MEAK7: variants seen among roughly 807,000 people sequenced by gnomAD.
The protein encoded by MEAK7 is MTOR-associated protein MEAK7.
MEAK7 carries 68 observed loss-of-function variants against 40.5 expected under a neutral mutation model. The observed-to-expected ratio is 1.68, with a 90% CI of 1.38 to 2.06. The LOEUF (loss-of-function observed/expected upper bound fraction) is 2.06, where lower values mean the gene tolerates loss of function less well. Among genes scored for constraint, MEAK7 ranks in the 30% most tolerant of loss-of-function variants. MEAK7 has a pLI of 0.00. For missense variants in MEAK7, 918 were observed against 580.5 expected (o/e 1.58, Z -5.98); for synonymous variants, 338 against 231.9 (o/e 1.46, Z -4.16).
rs1360813379 is a variant in MEAK7 at position 84,478,091 on chromosome 16, G to T, written c.*1822C>A. ...GGCATCATGGCAGTTTAATAGTGAG[G>T]TATTTAATTGCATTTTTATAAAAAA... On this transcript the variant is annotated 3_prime_UTR_variant, in exon 8 of 8. Coordinates refer to ENST00000343629, the MANE Select transcript of MEAK7 (RefSeq NM_020947.4). 3 of 151,012 alleles carry T rather than the reference G, an allele frequency of 2.0e-5. No homozygotes were observed. Among genetic ancestry groups the T allele is most frequent in the African/African-American group, 4.9e-5 (2 of 41,108 alleles). 9.4% of individuals were successfully genotyped at this position (151,012 alleles called of 1,614,324 possible).
chr16:84,495,688 G>C lies in MEAK7; in HGVS notation c.379C>G (p.Gln127Glu), dbSNP rs928648725. Residue 127 changes from glutamine to glutamate, a missense_variant, in exon 3 of 8, where the codon CAA becomes GAA. By Grantham distance (29) the Gln-to-Glu change is conservative. Transcript: ENST00000343629. ...TEGPVKAREV[Q>E]KFTEDLVGSV... ...GGACCTCGCGGCCTCACTACCTTTT[G>C]GACTTCTCTGGCCTTCACGGGACCT... 5.6e-6 allele frequency: 9 copies of C among 1,613,908 alleles called. No homozygotes were observed. The highest frequency in any genetic ancestry group is 1.6e-4 in the Middle Eastern group (1 of 6,084).
chr16:84,493,306 T>C (rs1285220849), intron 3 of MEAK7, among the ~76,000 whole-genome samples: 3 of 152,248 alleles, frequency 2.0e-5, no homozygotes, highest in Non-Finnish European at 2.9e-5. Flanking sequence ...GGGCAGTTTA[T>C]AGTCAGCTAT....
chr16:84,477,331 AC>A lies in MEAK7; in HGVS notation c.*2581del, dbSNP rs1291419900. 1 of 152,238 alleles carries A rather than the reference AC, an allele frequency of 6.6e-6. No individual in the cohort carries two copies. Among genetic ancestry groups the A allele is most frequent in the Admixed American group, 6.6e-5 (1 of 15,264 alleles). 9.4% of individuals were successfully genotyped at this position (152,238 alleles called of 1,614,324 possible). A position where few individuals can be genotyped will look rare whatever the true frequency, so the allele number is the denominator to read the frequency against. ...CTCAGCCTCCTGAGTAGCTGAGATT[AC>A]AGGCATGTGCCACCATGCCCAGCTA... On this transcript the variant is annotated 3_prime_UTR_variant, in exon 8 of 8. Coordinates refer to ENST00000343629, the MANE Select transcript of MEAK7 (RefSeq NM_020947.4).
chr16:84,481,011 T>C lies in MEAK7; in HGVS notation c.1078-303A>G, dbSNP rs997364059. On this transcript the variant is annotated intron_variant, in intron 6 of 7. Transcript: ENST00000343629. ...CAGAGAATTAAAAATGTTAAATATA[T>C]ATAGAGAAAGAGACCTCCAGGGCCC... is the stretch of plus-strand genomic sequence containing the variant. Among the ~76,000 whole-genome samples, 27 of 152,082 alleles carry C rather than the reference T, an allele frequency of 1.8e-4. 3 individuals carry two copies. Among genetic ancestry groups the C allele is most frequent in the African/African-American group, 3.6e-4 (15 of 41,484 alleles).
In MEAK7 at chr16:84,477,604, T is replaced by C. The variant is rs1465998075; in HGVS notation, c.*2309A>G. 2 of 137,982 alleles carry C rather than the reference T, an allele frequency of 1.4e-5. No homozygotes were observed. Among genetic ancestry groups the C allele is most frequent in the African/African-American group, 6.0e-5 (2 of 33,394 alleles). The allele number at this position is 137,982 out of a possible 1,614,324, so 8.5% of individuals were successfully genotyped here. On this transcript the variant is annotated 3_prime_UTR_variant, in exon 8 of 8. Coordinates refer to ENST00000343629, the MANE Select transcript of MEAK7 (RefSeq NM_020947.4). ...AATTTTTTTTTTAACCCCTTCCTCC[T>C]AGCACTTTCTAGGGCCCTGATAAGT...
At chr16:84,481,087 C>T (rs1276382009) in intron 6 of MEAK7, among the ~76,000 whole-genome samples, 1 of 152,194 alleles carries the variant, frequency 6.6e-6, no homozygotes, top group Non-Finnish European at 1.5e-5. Context: ...GAAGCTGACA[C>T]TGCAAACCCC....
At chr16:84,490,093 T>C (rs1268106418) in intron 3 of MEAK7, among the ~76,000 whole-genome samples, 4 of 152,226 alleles carry the variant, frequency 2.6e-5, no homozygotes, top group African/African-American at 9.6e-5. Context: ...CACTCAGTAA[T>C]TGTACAAACT....
Position 84,490,443 on chromosome 16 carries a change from CTTTTTTTTTTTTTTTTTTTT to C in MEAK7, c.385-1041_385-1022del, listed in dbSNP as rs770073812. On this transcript the variant is annotated intron_variant, in intron 3 of 7. Transcript: ENST00000343629. ...CTGGGCGGCTAAGTTTCTGCCCCGC[CTTTTTTTTTTTTTTTTTTTT>C]TTTTTTTTTTTTTTTTACCTCAACA... Among the ~76,000 whole-genome samples, 33 of 93,884 alleles carry C rather than the reference CTTTTTTTTTTTTTTTTTTTT, an allele frequency of 3.5e-4. 3 individuals are homozygous for C. The highest frequency in any genetic ancestry group is 6.6e-4 in the East Asian group (1 of 1,516). The allele number at this position is 93,884 out of a possible 152,430, so 61.6% of individuals were successfully genotyped here. A position where few individuals can be genotyped will look rare whatever the true frequency, so the allele number is the denominator to read the frequency against.
Position 84,478,322 on chromosome 16 carries a change from A to T in MEAK7, c.*1591T>A, listed in dbSNP as rs544557275. 2.6e-5 allele frequency: 4 copies of T among 152,294 alleles called. No homozygotes were observed. In the South Asian group the frequency reaches 6.2e-4, roughly 24 times the overall value. The allele number at this position is 152,294 out of a possible 1,614,324, so 9.4% of individuals were successfully genotyped here. On this transcript the variant is annotated 3_prime_UTR_variant, in exon 8 of 8. Transcript: ENST00000343629. ...CTCCTGCCCCTCCACACACTGTCTGAGCGTGCACTTTTCTTTCGAAGGCTA... is the reference window on the plus strand; with the variant it reads ...CTCCTGCCCCTCCACACACTGTCTGTGCGTGCACTTTTCTTTCGAAGGCTA...
At chr16:84,499,812 G>C (rs1207653785) in intron 1 of MEAK7, 1 of 152,222 alleles carries the variant, frequency 6.6e-6, no homozygotes, top group East Asian at 1.9e-4. Context: ...CAAGGCAGGA[G>C]AATCACTCGA....
intron 1 of MEAK7, among the ~76,000 whole-genome samples, chr16:84,500,899 G>A (rs1010481432): frequency 2.6e-5 from 4 of 151,928 alleles, no homozygotes; most frequent in East Asian, 1.9e-4. Flanking sequence ...TCGAAACTAG[G>A]TTGGCCAACG....
At chr16:84,494,860 A>T in intron 3 of MEAK7, 1 of 449,808 alleles carries the variant, frequency 2.2e-6, no homozygotes, top group South Asian at 1.6e-5. Context: ...AAAAAATAAA[A>T]ACTCAGGACT....
intron 5 of MEAK7, among the ~76,000 whole-genome samples, chr16:84,485,709 G>A (rs958338888): frequency 7.3e-6 from 1 of 136,672 alleles, no homozygotes; most frequent in African/African-American, 2.5e-5. Context: ...TAGAGATGGA[G>A]TCTCGCTCTG....
chr16:84,495,827 C>T lies in MEAK7; in HGVS notation c.240G>A (p.Lys80=). 1 of 1,614,120 alleles carries T rather than the reference C, an allele frequency of 6.2e-7. No individual in the cohort carries two copies. Among genetic ancestry groups the T allele is most frequent in the African/African-American group, 1.3e-5 (1 of 75,014 alleles). The change falls in exon 3 of 8, where the codon AAG becomes AAA. Residue 80 remains lysine, a synonymous_variant. Coordinates refer to ENST00000343629, the MANE Select transcript of MEAK7 (RefSeq NM_020947.4). ...MRRVDLTGKA[K]GPSENVSQEQ... ...CCTGGGACACGTTCTCACTGGGTCC[C>T]TTCGCCTTCCCTGTCAGGTCGACCC...
chr16:84,480,709 C>A lies in MEAK7; in HGVS notation c.1078-1G>T. 1.2e-6 allele frequency: 2 copies of A among 1,609,298 alleles called. No individual in the cohort carries two copies. The highest frequency in any genetic ancestry group is 1.7e-6 in the Non-Finnish European group (2 of 1,177,642). ...AGTAATTGTGCTGCCCCCCCATACC[C>A]TGCAAAGGAAGCCAGGACAGAGAAT... On this transcript the variant is annotated splice_acceptor_variant, in intron 6 of 7. Coordinates refer to ENST00000343629, the MANE Select transcript of MEAK7 (RefSeq NM_020947.4). LOFTEE classifies it high-confidence loss of function.
chr16:84,489,552 C>T (rs952398227), intron 3 of MEAK7, 130 bp from the exon 4 acceptor site: 55 of 1,081,902 alleles, frequency 5.1e-5, no homozygotes, highest in Non-Finnish European at 6.4e-5. Flanking sequence ...AAAGGTCATG[C>T]AATGTATGTA....
chr16:84,501,253 C>T (rs1230273990), intron 1 of MEAK7, among the ~76,000 whole-genome samples: 1 of 152,184 alleles, frequency 6.6e-6, no homozygotes, highest in Non-Finnish European at 1.5e-5. Flanking sequence ...GGTGATTCAC[C>T]AGGAAGTGGG....
Position 84,477,859 on chromosome 16 carries a change from C to G in MEAK7, c.*2054G>C, listed in dbSNP as rs3826150. On this transcript the variant is annotated 3_prime_UTR_variant, in exon 8 of 8. Coordinates refer to ENST00000343629, the MANE Select transcript of MEAK7 (RefSeq NM_020947.4). ...CACAGAGAGAGCTGCATCCCCCAGG[C>G]TCCCAAGCCCGGGCCAGTGACCTTT... The G allele has an allele frequency of 0.43, 65,051 of 151,932 alleles. 15,088 individuals carry two copies. The highest frequency in any genetic ancestry group is 0.65 in the East Asian group (3,339 of 5,116). The allele number at this position is 151,932 out of a possible 1,614,324, so 9.4% of individuals were successfully genotyped here.
At chr16:84,492,512 C>G (rs1913702526) in intron 3 of MEAK7, among the ~76,000 whole-genome samples, 1 of 151,770 alleles carries the variant, frequency 6.6e-6, no homozygotes, top group Non-Finnish European at 1.5e-5. Context: ...AGCACTTTGG[C>G]TAAATGACTT....
Sources: allele counts gnomAD v4.1 joint callset (sites outside exome capture counted in the v4.1 genomes callset), GRCh38; gene constraint gnomAD v4.1.1; transcripts MANE v1.5; gene names NCBI Gene and HGNC (gene_info 2026-07-23, HGNC 2026-07-21).